Variants in POR observed in about 807,000 individuals in gnomAD.
The protein encoded by POR is NADPH--cytochrome P450 reductase.
POR carries 56 observed loss-of-function variants against 84.0 expected under a neutral mutation model. The ratio of observed to expected loss-of-function variants is 0.67; its 90% CI spans 0.54 to 0.83. POR has a LOEUF of 0.83. POR is among the 40% of genes least tolerant of loss of function. POR has a pLI of 0.00. For missense variants in POR, 938 were observed against 944.3 expected (o/e 0.99, Z 0.09); for synonymous variants, 414 against 400.5 (o/e 1.03, Z -0.40).
chr7:75,972,685 C>A, intron 3 of POR: 1 of 621,000 alleles, frequency 1.6e-6, no homozygotes, highest in Non-Finnish European at 2.9e-6. Flanking sequence ...ACTTTTTGAA[C>A]AAACCAAAGT....
At position 75,985,577 on chromosome 7, in the gene POR, A is replaced by G. The variant is rs782354286; in HGVS notation, c.1399-2A>G. 1 of 1,532,810 alleles carries G rather than the reference A, an allele frequency of 6.5e-7. No homozygotes were observed. 95.0% of individuals were successfully genotyped at this position (1,532,810 alleles called of 1,614,324 possible). Reference sequence around the variant, plus strand: ...GTGGAGCTCACACGGCCCTCCCCACAGGTCCACCCCAACTCTGTGCACATC... The same window carrying G: ...GTGGAGCTCACACGGCCCTCCCCACGGGTCCACCCCAACTCTGTGCACATC... On this transcript the variant is annotated splice_acceptor_variant, in intron 12 of 15. Transcript: ENST00000461988. LOFTEE classifies it high-confidence loss of function.
Position 75,919,378 on chromosome 7 carries a change from C to CGTGTGTGTGTGT in POR, c.-5+4202_-5+4203insTGTGTGTGTGTG, listed in dbSNP as rs1458787395. ...GTGCACACGCCTGTCTGCATCTGTG[C>CGTGTGTGTGTGT]GTGCGTGTGTGTGTGTGTGTGTGTG... On this transcript the variant is annotated intron_variant, in intron 1 of 15. Coordinates refer to ENST00000461988, the MANE Select transcript of POR (RefSeq NM_000941.3). Among the ~76,000 whole-genome samples the CGTGTGTGTGTGT allele has an allele frequency of 3.5e-3, 475 of 136,220 alleles. 2 individuals are homozygous for CGTGTGTGTGTGT. The highest frequency in any genetic ancestry group is 0.013 in the African/African-American group (400 of 30,028). The allele number at this position is 136,220 out of a possible 152,430, so 89.4% of individuals were successfully genotyped here.
At chr7:75,968,520 G>T (rs1788286744) in intron 2 of POR, among the ~76,000 whole-genome samples, 1 of 152,256 alleles carries the variant, frequency 6.6e-6, no homozygotes, top group Non-Finnish European at 1.5e-5. Context: ...GAGCAGTCCA[G>T]TGTGGGCCCT....
At position 75,985,767 on chromosome 7, in the gene POR, G is replaced by A. The variant is rs371795413; in HGVS notation, c.1587G>A (p.Thr529=). 1.5e-4 allele frequency: 242 copies of A among 1,578,990 alleles called. No individual in the cohort carries two copies. Among genetic ancestry groups the A allele is most frequent in the Non-Finnish European group, 1.9e-4 (221 of 1,163,666 alleles). The change falls in exon 13 of 16, where the codon ACG becomes ACA. Residue 529 remains threonine (T), a synonymous_variant. Coordinates refer to ENST00000461988, the MANE Select transcript of POR (RefSeq NM_000941.3). ...TCCGCCTGCCCTTCAAGGCCACCAC[G>A]CCTGTCATCATGGTGGGCCCCGGCA...
intron 7 of POR, 162 bp downstream of exon 7, chr7:75,981,768 A>T: frequency 1.6e-6 from 1 of 632,768 alleles, no homozygotes; most frequent in Non-Finnish European, 2.7e-6. Flanking sequence ...TCACTCTGCC[A>T]CGTTGCTCTG....
At position 75,979,516 on chromosome 7, in the gene POR, G is replaced by C; in HGVS notation, c.303G>C (p.Leu101=). Reference sequence around the variant, plus strand: ...CTGCAGAGGAGTTTGCCAACCGCCTGTCCAAGGACGCCCACCGCTACGGGA... The same window carrying C: ...CTGCAGAGGAGTTTGCCAACCGCCTCTCCAAGGACGCCCACCGCTACGGGA... The change falls in exon 4 of 16, where the codon CTG becomes CTC. Residue 101 remains leucine (L), a synonymous_variant. Coordinates refer to ENST00000461988, the MANE Select transcript of POR (RefSeq NM_000941.3). 1 of 1,613,544 alleles carries C rather than the reference G, an allele frequency of 6.2e-7. No individual in the cohort carries two copies. Among genetic ancestry groups the C allele is most frequent in the Non-Finnish European group, 8.5e-7 (1 of 1,179,848 alleles).
At chr7:75,966,685 A>G (rs1788197568) in intron 2 of POR, among the ~76,000 whole-genome samples, 2 of 152,216 alleles carry the variant, frequency 1.3e-5, no homozygotes. Flanking sequence ...TGCAGTTTCC[A>G]GAAATGTTCC....
At chr7:75,982,069 T>C in intron 7 of POR, 155 bp from the exon 8 acceptor site, 1 of 651,032 alleles carries the variant, frequency 1.5e-6, no homozygotes, top group Non-Finnish European at 2.8e-6. Context: ...CCTGCCCTCC[T>C]TGTGCATCTG....
intron 8 of POR, among the ~76,000 whole-genome samples, chr7:75,982,823 C>A (rs995724971): frequency 2.6e-5 from 4 of 152,222 alleles, no homozygotes. Flanking sequence ...AGAAGCCCTG[C>A]ATGTCGGTGG....
intron 1 of POR, among the ~76,000 whole-genome samples, chr7:75,926,866 G>A (rs1807157035): frequency 6.6e-6 from 1 of 152,118 alleles, no homozygotes; most frequent in Non-Finnish European, 1.5e-5. Flanking sequence ...GGTTACAGAG[G>A]TGCAGGATAG....
intron 1 of POR, among the ~76,000 whole-genome samples, chr7:75,950,920 G>A (rs1400446090): frequency 6.6e-6 from 1 of 151,832 alleles, no homozygotes; most frequent in East Asian, 1.9e-4. Flanking sequence ...TTAGCCGGGT[G>A]TGGTGGCACA....
At chr7:75,981,769 C>T (rs576669111) in intron 7 of POR, 163 bp downstream of exon 7, 35 of 630,820 alleles carry the variant, frequency 5.5e-5, no homozygotes, top group African/African-American at 4.9e-4. Flanking sequence ...CACTCTGCCA[C>T]GTTGCTCTGC....
intron 1 of POR, among the ~76,000 whole-genome samples, chr7:75,951,051 T>C (rs1167469465): frequency 3.7e-5 from 3 of 81,748 alleles, no homozygotes; most frequent in Admixed American, 1.6e-4. Context: ...AGAGCGAGGC[T>C]CTGTCCCCCG....
chr7:75,920,932 T>C (rs1385954648), intron 1 of POR, among the ~76,000 whole-genome samples: 1 of 152,106 alleles, frequency 6.6e-6, no homozygotes, highest in Non-Finnish European at 1.5e-5. Context: ...TTCCGTCAGG[T>C]ATTTGTGGTC....
rs1788482888 is a variant in POR, at chr7:75,972,414, A to G, written c.190A>G (p.Thr64Ala). 3 of 1,610,008 alleles carry G rather than the reference A, an allele frequency of 1.9e-6. No homozygotes were observed. The highest frequency in any genetic ancestry group is 1.7e-6 in the Non-Finnish European group (2 of 1,178,292). The change falls in exon 3 of 16, where the codon ACC (threonine) becomes GCC (alanine). Residue 64 changes from threonine to alanine, a missense_variant and splice_region_variant. Coordinates refer to ENST00000461988, the MANE Select transcript of POR (RefSeq NM_000941.3). Reference sequence around the variant, plus strand: ...TCATTGCACACTTTTGTCTTGCAGGACCTCCTCTGTCAGAGAGAGCAGCTT... The same window carrying G: ...TCATTGCACACTTTTGTCTTGCAGGGCCTCCTCTGTCAGAGAGAGCAGCTT...
chr7:75,955,075 C>T (rs1787625767), intron 2 of POR, among the ~76,000 whole-genome samples: 1 of 152,136 alleles, frequency 6.6e-6, no homozygotes, highest in African/African-American at 2.4e-5. Flanking sequence ...CACCTGGACT[C>T]AAGCAATCCG....
In POR at chr7:75,985,165, G is replaced by A. The variant is rs782340178; in HGVS notation, c.1356G>A (p.Pro452=). The A allele has an allele frequency of 1.6e-5, 26 of 1,598,828 alleles. No individual in the cohort carries two copies. The highest frequency in any genetic ancestry group is 1.4e-4 in the South Asian group (13 of 91,012). The change falls in exon 12 of 16, where the codon CCG becomes CCA. Residue 452 remains proline, a synonymous_variant. Transcript: ENST00000461988. ...TCGACCACCTGTGTGAGCTGCTGCC[G>A]CGCCTGCAGGCCCGCTACTACTCCA... is the stretch of plus-strand genomic sequence containing the variant.
chr7:75,982,104 T>C (rs1283544905), intron 7 of POR, 120 bp from the exon 8 acceptor site: 13 of 725,544 alleles, frequency 1.8e-5, no homozygotes, highest in Non-Finnish European at 2.0e-5. Flanking sequence ...CTGCTTCTTG[T>C]CGTATGTACC....
At position 75,931,078 on chromosome 7, in the gene POR, C is replaced by G. The variant is rs1554550096; in HGVS notation, c.-5+15899C>G. 6.6e-5 allele frequency among the ~76,000 whole-genome samples: 10 copies of G among 152,258 alleles called. No individual in the cohort carries two copies. In the South Asian group the frequency reaches 2.1e-3, roughly 32 times the overall value. ...CCTCAATCCATCCTCCCGCCTCAGC[C>G]TCTCAATGTGCTGGGATTACAGGCA... On this transcript the variant is annotated intron_variant, in intron 1 of 15. Transcript: ENST00000461988.
Sources: gnomAD v4.1 joint callset for allele counts (sites outside exome capture counted in the v4.1 genomes callset) on GRCh38, gnomAD v4.1.1 for gene constraint, MANE v1.5 for transcripts, NCBI Gene and HGNC (gene_info 2026-07-23, HGNC 2026-07-21) for gene names.